TRPC5: variants seen among roughly 807,000 people sequenced by gnomAD.
TRPC5 encodes short transient receptor potential channel 5.
In TRPC5, 9 loss-of-function variants were observed where a neutral mutation model predicts 56.5. The ratio of observed to expected loss-of-function variants is 0.16; its 90% CI spans 0.10 to 0.28. TRPC5 has a LOEUF of 0.28. TRPC5 is among the 10% of genes least tolerant of loss of function. The pLI, the probability that TRPC5 is intolerant of heterozygous loss-of-function variation, is 1.00. For missense variants in TRPC5, 469 were observed against 748.9 expected (o/e 0.63, Z 4.36); for synonymous variants, 282 against 278.5 (o/e 1.01, Z -0.13).
intron 3 of TRPC5, chrX:111,901,930 T>G: frequency 8.7e-7 from 1 of 1,154,874 alleles, no homozygotes; most frequent in East Asian, 3.3e-5. Context: ...CTGATGAGCT[T>G]TTACAATTCA....
chrX:112,016,067 G>A (rs941588557), intron 1 of TRPC5, among the ~76,000 whole-genome samples: 1 of 111,827 alleles, frequency 8.9e-6, no homozygotes, highest in African/African-American at 3.3e-5. Flanking sequence ...AATCTTTGGG[G>A]TTGTTTTTGA....
rs753546469 is a variant in TRPC5 at position 111,788,242 on chromosome X, T to A, written c.1897-6104A>T. On this transcript the variant is annotated intron_variant, in intron 7 of 10. Coordinates refer to ENST00000262839, the MANE Select transcript of TRPC5 (RefSeq NM_012471.3). ...GATCAAGTTGGCTTTATCCCTGGGA[T>A]GCAAGGCTGGTTCAACATACACAAA... is the stretch of plus-strand genomic sequence containing the variant. 1.2e-4 allele frequency among the ~76,000 whole-genome samples: 13 copies of A among 112,041 alleles called. No homozygotes were observed. The East Asian group carries it at 3.6e-3, about 31-fold the overall frequency.
chrX:111,971,369 G>C (rs755801739), intron 1 of TRPC5, among the ~76,000 whole-genome samples: 22 of 111,400 alleles, frequency 2.0e-4, no homozygotes, highest in South Asian at 3.8e-4. Context: ...CTGTTTTATA[G>C]ATGAAATAAA....
intron 1 of TRPC5, among the ~76,000 whole-genome samples, chrX:112,012,101 T>C (rs1317879494): frequency 8.9e-6 from 1 of 112,138 alleles, no homozygotes; most frequent in East Asian, 2.8e-4. Flanking sequence ...AAACCATGGA[T>C]AACGGGGTCT....
intron 6 of TRPC5, among the ~76,000 whole-genome samples, chrX:111,836,670 A>G (rs1335351888): frequency 1.8e-5 from 2 of 112,236 alleles, no homozygotes; most frequent in African/African-American, 3.2e-5. Flanking sequence ...TTTGGTTTAA[A>G]TGGTTATTTT....
chrX:111,996,146 C>G (rs191503068), intron 1 of TRPC5, among the ~76,000 whole-genome samples: 1,261 of 112,098 alleles, frequency 0.011, 17 homozygotes, highest in African/African-American at 0.039. Flanking sequence ...CCTCTACACA[C>G]TGCTTTAAAT....
chrX:112,025,617 T>G (rs1040320386), intron 1 of TRPC5, among the ~76,000 whole-genome samples: 3 of 111,816 alleles, frequency 2.7e-5, no homozygotes, highest in Admixed American at 1.9e-4. Context: ...TGTAATATAG[T>G]TCACAAATTC....
intron 7 of TRPC5, among the ~76,000 whole-genome samples, chrX:111,786,825 T>C (rs2148552530): frequency 9.0e-6 from 1 of 111,568 alleles, no homozygotes; most frequent in East Asian, 2.8e-4. Flanking sequence ...AAGAAGGCCA[T>C]TACATAATGT....
chrX:112,026,173 C>T (rs1929407733), intron 1 of TRPC5, among the ~76,000 whole-genome samples: 2 of 111,816 alleles, frequency 1.8e-5, no homozygotes, highest in Non-Finnish European at 1.9e-5. Flanking sequence ...CAGTTCAAGC[C>T]CAATCTCCCT....
rs775409128 is a variant in TRPC5, at chrX:111,769,777, CGTTT to C, written c.*6532_*6535del. Among the ~76,000 whole-genome samples the C allele has an allele frequency of 5.4e-4, 60 of 111,576 alleles. No individual in the cohort carries two copies. Among genetic ancestry groups the C allele is most frequent in the Admixed American group, 3.3e-3 (35 of 10,509 alleles). On this transcript the variant is annotated 3_prime_UTR_variant, in exon 11 of 11. Coordinates refer to ENST00000262839, the MANE Select transcript of TRPC5 (RefSeq NM_012471.3). ...CACTTGAAAATGTTTTTTGTTTGTT[CGTTT>C]GTTTGTTTTTAACCAGAGAAAGTGG...
chrX:112,022,536 G>A (rs1929298678), intron 1 of TRPC5, among the ~76,000 whole-genome samples: 1 of 112,217 alleles, frequency 8.9e-6, no homozygotes, highest in Non-Finnish European at 1.9e-5. Flanking sequence ...GGATGAGTGA[G>A]TGTTCACATT....
At chrX:111,964,449 A>C (rs1305359472) in intron 1 of TRPC5, among the ~76,000 whole-genome samples, 1 of 111,970 alleles carries the variant, frequency 8.9e-6, no homozygotes, top group Admixed American at 9.5e-5. Context: ...GCAGGCCAAC[A>C]TTCAGATTCA....
Position 111,776,389 on chromosome X carries a change from G to T in TRPC5, c.2846C>A (p.Thr949Asn). 1 of 1,209,129 alleles carries T rather than the reference G, an allele frequency of 8.3e-7. No individual in the cohort carries two copies. Among genetic ancestry groups the T allele is most frequent in the Non-Finnish European group, 1.1e-6 (1 of 894,629 alleles). Residue 949 changes from threonine (T) to asparagine (N), a missense_variant, in exon 11 of 11, where the codon ACT (threonine) becomes AAT (asparagine). Thr to Asn is a moderately conservative substitution (Grantham distance 65, BLOSUM62 0). Coordinates refer to ENST00000262839, the MANE Select transcript of TRPC5 (RefSeq NM_012471.3). ...LLDSSEDVFE[T>N]WGEACDLLMH... is the part of the protein sequence containing the mutation. ...GAGCAAGTCACAAGCCTCTCCCCAA[G>T]TTTCAAATACATCCTCTGAGGAGTC...
intron 1 of TRPC5, among the ~76,000 whole-genome samples, chrX:112,001,669 G>A (rs758520638): frequency 9.0e-6 from 1 of 111,679 alleles, no homozygotes; most frequent in African/African-American, 3.3e-5. Flanking sequence ...GGTGAGACAT[G>A]AGAATCACTT....
intron 1 of TRPC5, among the ~76,000 whole-genome samples, chrX:112,073,016 A>C (rs1438286378): frequency 9.0e-6 from 1 of 111,568 alleles, no homozygotes; most frequent in Non-Finnish European, 1.9e-5. Flanking sequence ...ATTGAATGTC[A>C]TTATTATATA....
At chrX:111,798,867 G>C (rs935190439) in intron 7 of TRPC5, among the ~76,000 whole-genome samples, 1 of 111,760 alleles carries the variant, frequency 8.9e-6, no homozygotes, top group African/African-American at 3.2e-5. Context: ...GCAAAAGGAA[G>C]GTGAAGGATC....
chrX:111,799,727 G>T (rs975132765), intron 7 of TRPC5, among the ~76,000 whole-genome samples: 1 of 110,918 alleles, frequency 9.0e-6, no homozygotes, highest in Non-Finnish European at 1.9e-5. Context: ...ATTTATGACA[G>T]AGCCAATCAG....
rs184284925 is a variant in TRPC5 at position 111,966,931 on chromosome X, G to A, written c.-21-14490C>T. 6.2e-3 allele frequency among the ~76,000 whole-genome samples: 617 copies of A among 99,622 alleles called. 5 individuals carry two copies. Among genetic ancestry groups the A allele is most frequent in the South Asian group, 0.017 (44 of 2,540 alleles). 86.5% of individuals were successfully genotyped at this position (99,622 alleles called of 115,157 possible). A position where few individuals can be genotyped will look rare whatever the true frequency, so the allele number is the denominator to read the frequency against. ...TTCAAAACTGGCACAAGACAGGGAT[G>A]CCTCTCTCACCACTCCTATTCAACA... On this transcript the variant is annotated intron_variant, in intron 1 of 10. Transcript: ENST00000262839.
intron 2 of TRPC5, among the ~76,000 whole-genome samples, chrX:111,925,591 A>G (rs980662686): frequency 8.9e-6 from 1 of 111,799 alleles, no homozygotes; most frequent in Non-Finnish European, 1.9e-5. Flanking sequence ...TATCCTAACA[A>G]TTGGTGAGCC....
Sources: gnomAD v4.1 joint callset for allele counts (sites outside exome capture counted in the v4.1 genomes callset) on GRCh38, gnomAD v4.1.1 for gene constraint, MANE v1.5 for transcripts, NCBI Gene and HGNC (gene_info 2026-07-23, HGNC 2026-07-21) for gene names.